The following CYP7B1 variants were observed in gnomAD, a reference collection of about 807,000 sequenced individuals.
CYP7B1 encodes the protein cytochrome P450 7B1.
CYP7B1 carries 29 observed loss-of-function variants against 42.7 expected under a neutral mutation model. The ratio of observed to expected loss-of-function variants is 0.68; its 90% CI spans 0.51 to 0.93. The LOEUF is 0.93. Ranked by LOEUF, CYP7B1 falls within the 40% of genes least tolerant of loss-of-function variation. The pLI, the probability that CYP7B1 is intolerant of heterozygous loss-of-function variation, is 0.00. For missense variants in CYP7B1, 655 were observed against 600.5 expected (o/e 1.09, Z -0.95); for synonymous variants, 235 against 218.2 (o/e 1.08, Z -0.68).
chr8:64,590,809 A>G (rs1478505816), downstream of CYP7B1, among the ~76,000 whole-genome samples: 1 of 152,170 alleles, frequency 6.6e-6, no homozygotes, highest in Non-Finnish European at 1.5e-5. Context: ...CTGTTATCCA[A>G]CATATTCCTA....
In CYP7B1 at chr8:64,774,721, C is replaced by T. The variant is rs117408791; in HGVS notation, c.122+23745G>A. On this transcript the variant is annotated intron_variant, in intron 1 of 5. Transcript: ENST00000310193. ...CTTATTATCATTTCTACTTGCCTCA[C>T]GGTTTCCCATTGCAGGAGTTCAATA... Among the ~76,000 whole-genome samples the T allele has an allele frequency of 5.5e-4, 83 of 152,230 alleles. No individual in the cohort carries two copies. In the East Asian group the frequency reaches 0.013, roughly 24 times the overall value.
intron 1 of CYP7B1, among the ~76,000 whole-genome samples, chr8:64,625,908 TA>T (rs1563368236): frequency 6.6e-6 from 1 of 151,956 alleles, no homozygotes; most frequent in Non-Finnish European, 1.5e-5. Context: ...AATAAAGGTA[TA>T]GAGGGATGAT....
intron 1 of CYP7B1, among the ~76,000 whole-genome samples, chr8:64,753,992 C>T (rs1807769757): frequency 6.6e-6 from 1 of 152,108 alleles, no homozygotes; most frequent in South Asian, 2.1e-4. Flanking sequence ...CATACACAAC[C>T]ATGTCCATGC....
At chr8:64,709,924 C>T (rs1252928820) in intron 1 of CYP7B1, among the ~76,000 whole-genome samples, 5 of 152,062 alleles carry the variant, frequency 3.3e-5, no homozygotes, top group Non-Finnish European at 7.4e-5. Flanking sequence ...TGTTTGAGAG[C>T]AATTTTTTGT....
chr8:64,771,554 T>C (rs138019891), intron 1 of CYP7B1, among the ~76,000 whole-genome samples: 1,649 of 152,304 alleles, frequency 0.011, 16 homozygotes, highest in Non-Finnish European at 0.018. Flanking sequence ...CAAAGAAGAA[T>C]GTGCTTACAT....
chr8:64,685,737 G>A lies in CYP7B1; in HGVS notation c.123-61198C>T, dbSNP rs369231664. ...CCACCCCATCTGGGAAGTGAGGAGC[G>A]TCTCCGCCCGGCAGCCACCCCATCC... On this transcript the variant is annotated intron_variant, in intron 1 of 5. Coordinates refer to ENST00000310193, the MANE Select transcript of CYP7B1 (RefSeq NM_004820.5). 3.9e-4 allele frequency among the ~76,000 whole-genome samples: 22 copies of A among 56,238 alleles called. 4 individuals carry two copies. In the South Asian group the frequency reaches 9.4e-3, roughly 24 times the overall value. 36.9% of individuals were successfully genotyped at this position (56,238 alleles called of 152,430 possible). A position where few individuals can be genotyped will look rare whatever the true frequency, so the allele number is the denominator to read the frequency against.
chr8:64,623,648 CTG>C (rs1486411100), intron 2 of CYP7B1, among the ~76,000 whole-genome samples: 1 of 152,132 alleles, frequency 6.6e-6, no homozygotes, highest in Non-Finnish European at 1.5e-5. Flanking sequence ...AGCAATTCTG[CTG>C]TTTTTTTCTT....
rs544676910 is a variant in CYP7B1, at chr8:64,640,814, G to A, written c.123-16275C>T. ...AAAATTAGGTAAATGTCATGGTTAC[G>A]GGAATTCTGACTTTCTGAAATCAGG... On this transcript the variant is annotated intron_variant, in intron 1 of 5. Coordinates refer to ENST00000310193, the MANE Select transcript of CYP7B1 (RefSeq NM_004820.5). Among the ~76,000 whole-genome samples, 30 of 152,216 alleles carry A rather than the reference G, an allele frequency of 2.0e-4. No homozygotes were observed. In the South Asian group the frequency reaches 5.6e-3, roughly 28 times the overall value.
At chr8:64,768,209 A>G (rs1316552533) in intron 1 of CYP7B1, among the ~76,000 whole-genome samples, 1 of 152,180 alleles carries the variant, frequency 6.6e-6, no homozygotes, top group Non-Finnish European at 1.5e-5. Context: ...GAGGTAAAGA[A>G]ATACTCAAAT....
At chr8:64,695,580 AAAT>A (rs574303665) in intron 1 of CYP7B1, among the ~76,000 whole-genome samples, 128 of 151,684 alleles carry the variant, frequency 8.4e-4, no homozygotes, top group African/African-American at 2.9e-3. Flanking sequence ...AAAAAGAACA[AAAT>A]AAAACATGTT....
intron 1 of CYP7B1, among the ~76,000 whole-genome samples, chr8:64,756,808 T>C (rs1807815095): frequency 6.6e-6 from 1 of 152,218 alleles, no homozygotes; most frequent in South Asian, 2.1e-4. Flanking sequence ...TGCTGTTTAA[T>C]CTTTATGTTT....
intron 1 of CYP7B1, among the ~76,000 whole-genome samples, chr8:64,698,482 T>C (rs1806865583): frequency 1.3e-5 from 2 of 152,246 alleles, no homozygotes; most frequent in African/African-American, 4.8e-5. Flanking sequence ...CAAAAGGGAG[T>C]TAGCTGAGTG....
intron 1 of CYP7B1, among the ~76,000 whole-genome samples, chr8:64,752,596 G>A (rs1430632800): frequency 6.6e-6 from 1 of 151,922 alleles, no homozygotes; most frequent in Non-Finnish European, 1.5e-5. Context: ...ATACAGAATG[G>A]GACTCAAGGA....
chr8:64,645,621 C>T (rs1452880535), intron 1 of CYP7B1, among the ~76,000 whole-genome samples: 2 of 152,100 alleles, frequency 1.3e-5, no homozygotes, highest in African/African-American at 2.4e-5. Flanking sequence ...GGCCATACTG[C>T]CCAAGGTAAT....
At chr8:64,646,072 G>T (rs1002564988) in intron 1 of CYP7B1, among the ~76,000 whole-genome samples, 1 of 152,072 alleles carries the variant, frequency 6.6e-6, no homozygotes, top group Non-Finnish European at 1.5e-5. Context: ...AGACTTAAAC[G>T]TTAGACCTAA....
At chr8:64,629,356 A>C (rs1585817461) in intron 1 of CYP7B1, among the ~76,000 whole-genome samples, 1 of 152,158 alleles carries the variant, frequency 6.6e-6, no homozygotes, top group Non-Finnish European at 1.5e-5. Flanking sequence ...TAACCTCCTA[A>C]GTAGGTGGTG....
chr8:64,690,143 A>G (rs1806716883), intron 1 of CYP7B1, among the ~76,000 whole-genome samples: 1 of 152,174 alleles, frequency 6.6e-6, no homozygotes, highest in Non-Finnish European at 1.5e-5. Flanking sequence ...CACGCCTGAA[A>G]TCCCAGCACT....
At chr8:64,692,439 C>A (rs912336976) in intron 1 of CYP7B1, among the ~76,000 whole-genome samples, 5 of 152,162 alleles carry the variant, frequency 3.3e-5, no homozygotes, top group Admixed American at 2.0e-4. Context: ...AGAGTGCTTC[C>A]CTTGACATGC....
intron 1 of CYP7B1, chr8:64,703,894 G>C (rs1806954339): frequency 6.6e-6 from 1 of 151,958 alleles, no homozygotes; most frequent in East Asian, 1.9e-4. Flanking sequence ...TTTCTTTGCT[G>C]GTTTCTCAAA....
Sources: gnomAD v4.1 joint callset for allele counts (sites outside exome capture counted in the v4.1 genomes callset) on GRCh38, gnomAD v4.1.1 for gene constraint, MANE v1.5 for transcripts, NCBI Gene and HGNC (gene_info 2026-07-23, HGNC 2026-07-21) for gene names.